ATP10D: variants seen among roughly 807,000 people sequenced by gnomAD.
The protein encoded by ATP10D is phospholipid-transporting ATPase VD.
ATP10D carries 89 observed loss-of-function variants against 144.8 expected under a neutral mutation model. The ratio of observed to expected loss-of-function variants is 0.61; its 90% confidence interval spans 0.52 to 0.73. The LOEUF (loss-of-function observed/expected upper bound fraction) is 0.73, where lower values mean the gene tolerates loss of function less well. Ranked by LOEUF, ATP10D falls within the 30% of genes least tolerant of loss-of-function variation. The pLI is 0.00. For synonymous variants in ATP10D, 571 were observed against 615.1 expected (o/e 0.93, Z 1.06); for missense variants, 1,603 against 1,714.8 (o/e 0.93, Z 1.15).
In ATP10D at chr4:47,568,942, G is replaced by T. The variant is rs137994896; in HGVS notation, c.2959G>T (p.Val987Phe). The T allele has an allele frequency of 6.2e-7, 1 of 1,614,030 alleles. No individual in the cohort carries two copies. Among genetic ancestry groups the T allele is most frequent in the African/African-American group, 1.3e-5 (1 of 74,900 alleles). The stretch of plus-strand genomic sequence containing the variant: ...AAGTGAAGATTTACTTCAGCCTCCT[G>T]TCCCCCGGGACTCAGGGTTACGAGC... ...SLSEDLLQPP[V>F]PRDSGLRAGL... The change falls in exon 16 of 23, where the codon GTC becomes TTC. Residue 987 changes from valine to phenylalanine, a missense_variant. Physicochemically the swap from Val to Phe is conservative, Grantham distance 50. Transcript: ENST00000273859.
intron 19 of ATP10D, chr4:47,578,587 C>T (rs1329263501): frequency 6.6e-6 from 1 of 152,132 alleles, no homozygotes; most frequent in East Asian, 1.9e-4. Context: ...CTTTGAGCAA[C>T]CTCTCTCTCC....
chr4:47,576,674 G>A (rs1720259750), intron 18 of ATP10D, 99 bp from the exon 19 acceptor site: 1 of 1,089,794 alleles, frequency 9.2e-7, no homozygotes, highest in East Asian at 2.4e-5. Flanking sequence ...ACTACAGAGA[G>A]GCTGAGGTCA....
intron 15 of ATP10D, among the ~76,000 whole-genome samples, chr4:47,564,958 C>CGTTTGTTT (rs201494373): frequency 6.2e-4 from 94 of 152,188 alleles, no homozygotes; most frequent in African/African-American, 1.5e-3. Flanking sequence ...AACATGTTTT[C>CGTTTGTTT]GTTTGTTTAT....
At chr4:47,586,062 G>C (rs1287084125) in intron 21 of ATP10D, among the ~76,000 whole-genome samples, 1 of 152,102 alleles carries the variant, frequency 6.6e-6, no homozygotes, top group Non-Finnish European at 1.5e-5. Context: ...GTTTTTTGAG[G>C]AACCTCCAAA....
chr4:47,490,984 G>A, intron 1 of ATP10D: 3 of 651,290 alleles, frequency 4.6e-6, no homozygotes, highest in Non-Finnish European at 8.6e-6. Flanking sequence ...TAACACCTCT[G>A]ATGCCATGTG....
At chr4:47,565,340 G>A (rs1407627857) in intron 15 of ATP10D, among the ~76,000 whole-genome samples, 1 of 152,102 alleles carries the variant, frequency 6.6e-6, no homozygotes, top group Non-Finnish European at 1.5e-5. Context: ...AAATAGAGTG[G>A]GTTCCCCTTT....
chr4:47,528,501 GTGTGTGTGTGTGTATA>G (rs1438378851), intron 5 of ATP10D, among the ~76,000 whole-genome samples: 2,324 of 44,484 alleles, frequency 0.052, 31 homozygotes, highest in African/African-American at 0.084. Flanking sequence ...GTGTGTGTGT[GTGTGTGTGTGTGTATA>G]TATATATATA....
intron 1 of ATP10D, among the ~76,000 whole-genome samples, chr4:47,500,908 T>C (rs573050685): frequency 6.6e-6 from 1 of 152,296 alleles, no homozygotes; most frequent in East Asian, 1.9e-4. Context: ...ATACATGGCG[T>C]GGAAATGCAG....
Position 47,515,709 on chromosome 4 carries a change from A to G in ATP10D, c.485+39A>G, listed in dbSNP as rs1193346268. The G allele has an allele frequency of 3.4e-6, 5 of 1,455,964 alleles. No homozygotes were observed. The African/African-American group carries it at 4.2e-5, about 12-fold the overall frequency. The allele number at this position is 1,455,964 out of a possible 1,614,324, so 90.2% of individuals were successfully genotyped here. On this transcript the variant is annotated intron_variant, in intron 3 of 22. Transcript: ENST00000273859. Reference sequence around the variant, plus strand: ...GACCTTTGCTAAGGACTATGTATGTATCATTGAGAAATATGCAGAATGTTA... The same window carrying G: ...GACCTTTGCTAAGGACTATGTATGTGTCATTGAGAAATATGCAGAATGTTA...
At chr4:47,502,615 A>G (rs970737266) in intron 1 of ATP10D, among the ~76,000 whole-genome samples, 3 of 148,478 alleles carry the variant, frequency 2.0e-5, no homozygotes, top group African/African-American at 7.3e-5. Context: ...TCTTTTATAT[A>G]CGATATACAT....
intron 5 of ATP10D, among the ~76,000 whole-genome samples, chr4:47,531,916 T>A (rs368755550): frequency 2.8e-4 from 42 of 152,264 alleles, no homozygotes; most frequent in African/African-American, 1.0e-3. Context: ...GGAACTCTAG[T>A]CTACACTCTG....
intron 3 of ATP10D, among the ~76,000 whole-genome samples, chr4:47,517,632 G>C (rs944242599): frequency 1.3e-5 from 2 of 152,082 alleles, no homozygotes; most frequent in Non-Finnish European, 2.9e-5. Flanking sequence ...CCAAGTGCTA[G>C]GTAAAAGCCG....
intron 3 of ATP10D, among the ~76,000 whole-genome samples, chr4:47,521,783 G>T (rs906349593): frequency 3.9e-5 from 6 of 152,166 alleles, no homozygotes; most frequent in Admixed American, 3.3e-4. Flanking sequence ...CTAGGGAAAA[G>T]TTTGGAAAAG....
rs1175774910 is a variant in ATP10D, at chr4:47,582,035, C to T, written c.3724C>T (p.Leu1242Phe). 6 of 1,614,042 alleles carry T rather than the reference C, an allele frequency of 3.7e-6. No homozygotes were observed. Among genetic ancestry groups the T allele is most frequent in the Non-Finnish European group, 5.1e-6 (6 of 1,179,918 alleles). ...CACAGCCGCTCTGTTCATCGTTCTC[C>T]TCCATCTGGTCATTGAAAGCAAGAG... ...LNTAALFIVL[L>F]HLVIESKSLT... The change falls in exon 21 of 23, where the codon CTC (leucine) becomes TTC (phenylalanine). Residue 1242 changes from leucine to phenylalanine, a missense_variant. Physicochemically the swap from Leu to Phe is conservative, Grantham distance 22 (BLOSUM62 0). Transcript: ENST00000273859.
intron 3 of ATP10D, among the ~76,000 whole-genome samples, chr4:47,520,792 C>T (rs1227996227): frequency 6.6e-6 from 1 of 152,162 alleles, no homozygotes; most frequent in East Asian, 1.9e-4. Flanking sequence ...TGGTCTCAAT[C>T]TTCTGACCCT....
intron 16 of ATP10D, among the ~76,000 whole-genome samples, chr4:47,571,654 A>G (rs1719958355): frequency 6.6e-6 from 1 of 152,196 alleles, no homozygotes; most frequent in South Asian, 2.1e-4. Context: ...GTAAGTCTGT[A>G]TGCAACCATG....
intron 1 of ATP10D, among the ~76,000 whole-genome samples, chr4:47,490,381 T>C (rs1179587536): frequency 2.0e-5 from 3 of 152,224 alleles, no homozygotes; most frequent in African/African-American, 7.2e-5. Flanking sequence ...TTAAGATCCC[T>C]AAGCCAAGGA....
chr4:47,569,277 C>A, intron 16 of ATP10D, 131 bp downstream of exon 16: 1 of 1,036,658 alleles, frequency 9.6e-7, no homozygotes, highest in Non-Finnish European at 1.4e-6. Context: ...ACATTCATGC[C>A]TTCCCATCAC....
chr4:47,552,328 A>G lies in ATP10D; in HGVS notation c.1636-2398A>G, dbSNP rs149221246. Among the ~76,000 whole-genome samples, 405 of 152,362 alleles carry G rather than the reference A, an allele frequency of 2.7e-3. 1 individual carries two copies. The highest frequency in any genetic ancestry group is 9.2e-3 in the African/African-American group (381 of 41,596). The stretch of plus-strand genomic sequence containing the variant: ...ATTCAGGCTGCCAGAACAAAATACC[A>G]TAAACTGGGTAGCTTAGAAACAACA... On this transcript the variant is annotated intron_variant, in intron 10 of 22. Transcript: ENST00000273859.
Sources: gnomAD v4.1 joint callset for allele counts (sites outside exome capture counted in the v4.1 genomes callset) on GRCh38, gnomAD v4.1.1 for gene constraint, MANE v1.5 for transcripts, NCBI Gene and HGNC (gene_info 2026-07-23, HGNC 2026-07-21) for gene names.